Variants in ZNF148 observed in about 807,000 individuals in gnomAD.
The protein encoded by ZNF148 is zinc finger protein 148, also known as Beta-Enolase Repressor Factor-1.
A neutral mutation model predicts 67.7 loss-of-function variants in ZNF148; 7 were observed. The ratio of observed to expected loss-of-function variants is 0.10; its 90% confidence interval spans 0.06 to 0.19. ZNF148 has a LOEUF of 0.19. ZNF148 is among the 10% of genes least tolerant of loss of function. The pLI is 1.00. For synonymous variants in ZNF148, 333 were observed against 330.7 expected (o/e 1.01, Z -0.08); for missense variants, 583 against 947.1 (o/e 0.62, Z 5.05).
chr3:125,324,581 G>A (rs1940938476), intron 2 of ZNF148, among the ~76,000 whole-genome samples: 1 of 152,144 alleles, frequency 6.6e-6, no homozygotes, highest in Non-Finnish European at 1.5e-5. Context: ...TCCTACCCTG[G>A]AGGTTCTTAA....
In ZNF148 at chr3:125,231,371, ATTTT is replaced by A. The variant is rs889174832; in HGVS notation, c.*966_*969del. The A allele has an allele frequency of 6.6e-6, 1 of 150,790 alleles. No individual in the cohort carries two copies. The highest frequency in any genetic ancestry group is 2.1e-4 in the South Asian group (1 of 4,778). 9.3% of individuals were successfully genotyped at this position (150,790 alleles called of 1,614,324 possible). On this transcript the variant is annotated 3_prime_UTR_variant, in exon 9 of 9. Transcript: ENST00000360647. ...CAACCATATCAAACCTAAAAATCTA[ATTTT>A]TTTTTTACTTTGAGAAATCAAAAAT...
At chr3:125,279,668 T>C (rs2107609430) in intron 5 of ZNF148, among the ~76,000 whole-genome samples, 1 of 151,992 alleles carries the variant, frequency 6.6e-6, no homozygotes, top group East Asian at 1.9e-4. Context: ...ATGAATACAA[T>C]TTAATATTAT....
intron 1 of ZNF148, among the ~76,000 whole-genome samples, chr3:125,368,834 C>T (rs11719535): frequency 0.78 from 117,932 of 151,900 alleles, 46,366 homozygotes; most frequent in African/African-American, 0.87. Context: ...TAGTCCCAGC[C>T]ACTCTGAGAC....
At chr3:125,276,658 T>C (rs890438229) in intron 7 of ZNF148, among the ~76,000 whole-genome samples, 3 of 152,060 alleles carry the variant, frequency 2.0e-5, no homozygotes, top group East Asian at 3.9e-4. Context: ...GGTATCGAAC[T>C]CCCGACCTCA....
chr3:125,314,280 G>GT (rs1940379170), intron 3 of ZNF148, among the ~76,000 whole-genome samples: 2 of 152,176 alleles, frequency 1.3e-5, no homozygotes, highest in Non-Finnish European at 2.9e-5. Context: ...GCTATGAAAC[G>GT]TATCAAAAGC....
At chr3:125,260,424 T>C (rs1322953871) in intron 7 of ZNF148, among the ~76,000 whole-genome samples, 1 of 152,228 alleles carries the variant, frequency 6.6e-6, no homozygotes, top group Admixed American at 6.5e-5. Context: ...AATGGAATAC[T>C]ACTCAGCAAT....
chr3:125,255,438 G>T (rs1937033445), intron 7 of ZNF148, among the ~76,000 whole-genome samples: 1 of 151,486 alleles, frequency 6.6e-6, no homozygotes, highest in African/African-American at 2.4e-5. Context: ...GTAGAGACGG[G>T]GTTTCCCCAT....
At chr3:125,270,442 G>T (rs1009082503) in intron 7 of ZNF148, among the ~76,000 whole-genome samples, 3 of 152,066 alleles carry the variant, frequency 2.0e-5, no homozygotes, top group Non-Finnish European at 4.4e-5. Flanking sequence ...TGAGTTTAAA[G>T]AAGTAATTGA....
intron 4 of ZNF148, among the ~76,000 whole-genome samples, chr3:125,308,818 A>G (rs62270346): frequency 0.54 from 81,964 of 151,970 alleles, 23,270 homozygotes; most frequent in Middle Eastern, 0.67. Flanking sequence ...CACTTTATTC[A>G]TAGTAATTGA....
At chr3:125,354,247 T>C (rs1247964664) in intron 1 of ZNF148, among the ~76,000 whole-genome samples, 1 of 152,112 alleles carries the variant, frequency 6.6e-6, no homozygotes, top group African/African-American at 2.4e-5. Flanking sequence ...TATTGTCTTT[T>C]TGGAGATGTT....
chr3:125,323,299 T>C lies in ZNF148; in HGVS notation c.-17+10A>G, dbSNP rs1389382308. 2 of 608,228 alleles carry C rather than the reference T, an allele frequency of 3.3e-6. No homozygotes were observed. Among genetic ancestry groups the C allele is most frequent in the Non-Finnish European group, 5.8e-6 (2 of 344,972 alleles). The allele number at this position is 608,228 out of a possible 1,614,324, so 37.7% of individuals were successfully genotyped here. A position where few individuals can be genotyped will look rare whatever the true frequency, so the allele number is the denominator to read the frequency against. On this transcript the variant is annotated intron_variant, in intron 3 of 8. Transcript: ENST00000360647. ...TATTCAAGATTATGAAAAATAAGTA[T>C]TAAAATTACCCGAGACTAAGGTAAA...
At chr3:125,236,015 G>C (rs921338583) in intron 7 of ZNF148, among the ~76,000 whole-genome samples, 1 of 150,112 alleles carries the variant, frequency 6.7e-6, no homozygotes, top group Admixed American at 6.7e-5. Flanking sequence ...CGAGTTAATG[G>C]GTGCAGCACA....
chr3:125,337,597 A>G (rs184340507), intron 1 of ZNF148, among the ~76,000 whole-genome samples: 360 of 152,330 alleles, frequency 2.4e-3, no homozygotes, highest in Non-Finnish European at 4.3e-3. Flanking sequence ...ACTTTGAAAC[A>G]ATCTTCTCAA....
chr3:125,308,408 A>C (rs762737144), intron 4 of ZNF148, among the ~76,000 whole-genome samples: 3 of 152,122 alleles, frequency 2.0e-5, no homozygotes, highest in Non-Finnish European at 4.4e-5. Context: ...AACCTAAATA[A>C]AAGTAAAGGT....
At chr3:125,307,574 C>T (rs148650877) in intron 4 of ZNF148, among the ~76,000 whole-genome samples, 293 of 152,174 alleles carry the variant, frequency 1.9e-3, no homozygotes, top group African/African-American at 6.5e-3. Context: ...AAACCACTCA[C>T]GTTTTTTAAA....
intron 4 of ZNF148, among the ~76,000 whole-genome samples, chr3:125,309,688 T>C (rs1004673931): frequency 5.3e-5 from 8 of 152,182 alleles, no homozygotes; most frequent in African/African-American, 1.4e-4. Flanking sequence ...GAGGAACCAC[T>C]GGGGAAGTTT....
At chr3:125,340,848 C>T (rs71325831) in intron 1 of ZNF148, among the ~76,000 whole-genome samples, 5 of 151,366 alleles carry the variant, frequency 3.3e-5, no homozygotes, top group South Asian at 2.1e-4. Flanking sequence ...ATTAGCCGGG[C>T]GTAGTGGCGG....
intron 7 of ZNF148, among the ~76,000 whole-genome samples, chr3:125,266,247 C>G (rs1937527133): frequency 6.6e-6 from 1 of 151,910 alleles, no homozygotes; most frequent in Admixed American, 6.6e-5. Flanking sequence ...ACAGTATACT[C>G]TACCCAACAA....
chr3:125,352,175 CAAAAA>C (rs963625887), intron 1 of ZNF148, among the ~76,000 whole-genome samples: 4 of 145,208 alleles, frequency 2.8e-5, no homozygotes, highest in African/African-American at 7.6e-5. Context: ...TGAATGAATA[CAAAAA>C]AAAGTGGTAA....
Sources: gnomAD v4.1 joint callset for allele counts (sites outside exome capture counted in the v4.1 genomes callset) on GRCh38, gnomAD v4.1.1 for gene constraint, MANE v1.5 for transcripts, NCBI Gene and HGNC (gene_info 2026-07-23, HGNC 2026-07-21) for gene names.